The following ILRUN variants were observed in gnomAD, a reference collection of about 807,000 sequenced individuals.
The protein encoded by ILRUN is inflammation and lipid regulator with UBA-like and NBR1-like domains, also known as protein ILRUN.
Under a neutral mutation model 33.8 loss-of-function variants are expected in ILRUN, and 3 were observed. The ratio of observed to expected loss-of-function variants is 0.09; its 90% CI spans 0.04 to 0.23. ILRUN has a LOEUF of 0.23. ILRUN is among the 10% of genes least tolerant of loss of function. ILRUN has a pLI of 1.00. For synonymous variants in ILRUN, 124 were observed against 138.9 expected, an observed-to-expected ratio of 0.89 and a Z score of 0.75; for missense variants, 210 against 375.1, an observed-to-expected ratio of 0.56 and a Z score of 3.64.
intron 4 of ILRUN, among the ~76,000 whole-genome samples, chr6:34,599,472 C>G (rs917928496): frequency 7.9e-5 from 12 of 152,102 alleles, no homozygotes; most frequent in Non-Finnish European, 2.9e-5. Context: ...GAGGGCAGTA[C>G]TATTGGCATC....
intron 3 of ILRUN, among the ~76,000 whole-genome samples, chr6:34,638,646 A>C (rs1400661144): frequency 1.3e-5 from 2 of 152,004 alleles, no homozygotes; most frequent in Non-Finnish European, 2.9e-5. Context: ...TTGAGGCTGT[A>C]GTGAGCCGTG....
chr6:34,673,186 T>C (rs1283140807), intron 1 of ILRUN, among the ~76,000 whole-genome samples: 1 of 152,152 alleles, frequency 6.6e-6, no homozygotes, highest in Non-Finnish European at 1.5e-5. Context: ...ATTTTATCTC[T>C]CTTGCACTTT....
intron 3 of ILRUN, among the ~76,000 whole-genome samples, chr6:34,640,152 G>C (rs1357711840): frequency 6.6e-6 from 1 of 152,012 alleles, no homozygotes; most frequent in Non-Finnish European, 1.5e-5. Flanking sequence ...TGTGTGGTGG[G>C]GGACAGTGTT....
chr6:34,668,433 C>A (rs927663017), intron 1 of ILRUN, among the ~76,000 whole-genome samples: 7 of 152,130 alleles, frequency 4.6e-5, no homozygotes, highest in Non-Finnish European at 1.0e-4. Flanking sequence ...TCCCTCACAT[C>A]AAGTAACATT....
At chr6:34,630,276 T>C (rs1762217465) in intron 3 of ILRUN, among the ~76,000 whole-genome samples, 1 of 152,222 alleles carries the variant, frequency 6.6e-6, no homozygotes, top group Non-Finnish European at 1.5e-5. Context: ...TCTGGAATTT[T>C]CCATCTGATA....
At chr6:34,644,158 C>T (rs905287357) in intron 3 of ILRUN, among the ~76,000 whole-genome samples, 24 of 152,124 alleles carry the variant, frequency 1.6e-4, no homozygotes, top group African/African-American at 5.6e-4. Context: ...TAAAAACACA[C>T]ACACATAAAA....
rs1158360306 is a variant in ILRUN at position 34,588,370 on chromosome 6, C to T, written c.*2195G>A. On this transcript the variant is annotated 3_prime_UTR_variant, in exon 5 of 5. Transcript: ENST00000374023. ...CCTGCTGGGAAACTGGGAAGGGGCA[C>T]CCAGTGTTGGGCAGAAGAGGAAGTC... The T allele has an allele frequency of 2.5e-6, 1 of 397,346 alleles. No individual in the cohort carries two copies. Among genetic ancestry groups the T allele is most frequent in the Non-Finnish European group, 4.4e-6 (1 of 225,900 alleles). 24.6% of individuals were successfully genotyped at this position (397,346 alleles called of 1,614,324 possible).
intron 1 of ILRUN, chr6:34,687,044 A>G (rs1052895628): frequency 4.9e-5 from 9 of 185,004 alleles, no homozygotes; most frequent in Non-Finnish European, 9.3e-5. Flanking sequence ...GCTAGCTTCT[A>G]AGACATGCAA....
intron 4 of ILRUN, among the ~76,000 whole-genome samples, chr6:34,591,205 G>T (rs746748769): frequency 6.6e-6 from 1 of 152,122 alleles, no homozygotes; most frequent in Non-Finnish European, 1.5e-5. Context: ...AGGTCACCTG[G>T]TTAGGCCAAG....
intron 1 of ILRUN, among the ~76,000 whole-genome samples, chr6:34,670,969 T>C (rs1280272552): frequency 2.0e-5 from 3 of 152,142 alleles, no homozygotes; most frequent in African/African-American, 4.8e-5. Context: ...TTGAGATATT[T>C]AGGATTAAGT....
chr6:34,619,570 G>A (rs561191101), intron 3 of ILRUN, among the ~76,000 whole-genome samples: 71 of 152,196 alleles, frequency 4.7e-4, no homozygotes, highest in African/African-American at 1.7e-3. Flanking sequence ...GCCCAGGCTG[G>A]TCTTCAACTC....
At chr6:34,678,803 C>T (rs547389334) in intron 1 of ILRUN, among the ~76,000 whole-genome samples, 1,809 of 127,054 alleles carry the variant, frequency 0.014, 19 homozygotes, top group Middle Eastern at 0.032. Flanking sequence ...TGCAGTGAGC[C>T]GAGATCACGC....
chr6:34,614,499 T>A (rs1761837007), intron 3 of ILRUN, among the ~76,000 whole-genome samples: 1 of 137,094 alleles, frequency 7.3e-6, no homozygotes, highest in Non-Finnish European at 1.6e-5. Context: ...ATATATATTA[T>A]ATTTTATATA....
chr6:34,616,412 C>T, intron 3 of ILRUN: 1 of 514,700 alleles, frequency 1.9e-6, no homozygotes, highest in East Asian at 3.1e-5. Flanking sequence ...GCTCATATTT[C>T]ATCTCTATAG....
intron 2 of ILRUN, among the ~76,000 whole-genome samples, chr6:34,652,936 G>C (rs373757230): frequency 5.3e-5 from 8 of 151,950 alleles, no homozygotes; most frequent in African/African-American, 1.4e-4. Flanking sequence ...TGGGAGGATC[G>C]TGTGAGCCCA....
intron 1 of ILRUN, among the ~76,000 whole-genome samples, chr6:34,660,296 G>A (rs1762862842): frequency 6.6e-6 from 1 of 151,242 alleles, no homozygotes; most frequent in Non-Finnish European, 1.5e-5. Flanking sequence ...GTGAGACCCT[G>A]TCAAAAAAAT....
In ILRUN at chr6:34,588,021, C is replaced by G. The variant is rs1474525741; in HGVS notation, c.*2544G>C. 13 of 398,584 alleles carry G rather than the reference C, an allele frequency of 3.3e-5. No individual in the cohort carries two copies. The highest frequency in any genetic ancestry group is 4.9e-5 in the Non-Finnish European group (11 of 226,208). 24.7% of individuals were successfully genotyped at this position (398,584 alleles called of 1,614,324 possible). A position where few individuals can be genotyped will look rare whatever the true frequency, so the allele number is the denominator to read the frequency against. The stretch of plus-strand genomic sequence containing the variant: ...GGCTGAGAGGTAGCCACTACCACCC[C>G]ACTAGGCAGGGGAGCAGAGAGGGGC... On this transcript the variant is annotated 3_prime_UTR_variant, in exon 5 of 5. Coordinates refer to ENST00000374023, the MANE Select transcript of ILRUN (RefSeq NM_024294.4).
chr6:34,637,407 A>G lies in ILRUN; in HGVS notation c.511+9194T>C, dbSNP rs79890802. On this transcript the variant is annotated intron_variant, in intron 3 of 4. Transcript: ENST00000374023. ...TTGATTTTAAGAATTTTTTAAGGAA[A>G]TATCACTACTCCCTTAAATTCAGAA... 1.5e-3 allele frequency among the ~76,000 whole-genome samples: 226 copies of G among 152,334 alleles called. 2 individuals carry two copies. The highest frequency in any genetic ancestry group is 0.014 in the East Asian group (71 of 5,186).
intron 4 of ILRUN, 55 bp from the exon 5 acceptor site, chr6:34,590,655 A>G (rs1216078954): frequency 7.7e-7 from 1 of 1,302,356 alleles, no homozygotes; most frequent in Non-Finnish European, 1.1e-6. Flanking sequence ...CAACTTGACA[A>G]CCAAACCAAG....
Sources: gnomAD v4.1 joint callset for allele counts (sites outside exome capture counted in the v4.1 genomes callset) on GRCh38, gnomAD v4.1.1 for gene constraint, MANE v1.5 for transcripts, NCBI Gene and HGNC (gene_info 2026-07-23, HGNC 2026-07-21) for gene names.